FBN1: variants seen among roughly 807,000 people sequenced by gnomAD.
FBN1 encodes fibrillin 1, also known as fibrillin-1.
In FBN1, 29 loss-of-function variants were observed where a neutral mutation model predicts 365.1. That is an observed-to-expected ratio of 0.08 (90% confidence interval 0.06 to 0.11). The LOEUF is 0.11. Among genes scored for constraint, FBN1 ranks in the 10% least tolerant of loss-of-function variants. The probability of loss-of-function intolerance (pLI) is 1.00; values close to 1 mark genes in which losing one functional copy is unlikely to be tolerated. For missense variants in FBN1, 2,476 were observed against 3,703.2 expected (o/e 0.67, Z 8.60); for synonymous variants, 1,210 against 1,270.5 (o/e 0.95, Z 1.01).
rs988204828 is a variant in FBN1 at position 48,445,197 on chromosome 15, C to CATAT, written c.5917+175_5917+178dup. On this transcript the variant is annotated intron_variant, in intron 48 of 65. Transcript: ENST00000316623. ...ACATATATATATGTATATATATATACATATATATATGTGTATATATACTTA... is the reference window on the plus strand; with the variant it reads ...ACATATATATATGTATATATATATACATATATATATATATGTGTATATATACTTA... Among the ~76,000 whole-genome samples, 4 of 133,810 alleles carry CATAT rather than the reference C, an allele frequency of 3.0e-5. No individual in the cohort carries two copies. In the East Asian group the frequency reaches 9.7e-4, roughly 33 times the overall value. 87.8% of individuals were successfully genotyped at this position (133,810 alleles called of 152,430 possible).
intron 55 of FBN1, among the ~76,000 whole-genome samples, chr15:48,431,947 G>A (rs1400394045): frequency 6.6e-6 from 1 of 152,142 alleles, no homozygotes; most frequent in African/African-American, 2.4e-5. Flanking sequence ...AAGCCACCGT[G>A]CCTGGCCAAT....
intron 55 of FBN1, among the ~76,000 whole-genome samples, chr15:48,431,750 G>A (rs1365812854): frequency 1.3e-5 from 2 of 152,054 alleles, no homozygotes; most frequent in Non-Finnish European, 2.9e-5. Flanking sequence ...CACCTCCGGG[G>A]TTCAAGCAAT....
intron 62 of FBN1, 140 bp downstream of exon 62, chr15:48,421,417 CT>C: frequency 2.1e-6 from 2 of 932,046 alleles, no homozygotes; most frequent in Non-Finnish European, 3.4e-6. Flanking sequence ...GATACAGGAC[CT>C]GTGCACACTA....
intron 2 of FBN1, among the ~76,000 whole-genome samples, chr15:48,639,476 C>T (rs969838150): frequency 2.6e-5 from 4 of 152,310 alleles, no homozygotes; most frequent in South Asian, 2.1e-4. Context: ...TGTGCACTCA[C>T]GGTTCCTGAA....
At chr15:48,571,690 C>CAG (rs2044306590) in intron 6 of FBN1, among the ~76,000 whole-genome samples, 1 of 152,104 alleles carries the variant, frequency 6.6e-6, no homozygotes. Flanking sequence ...CTTAGACATG[C>CAG]AGGTGCACAC....
chr15:48,573,704 T>C (rs776267647), intron 6 of FBN1, among the ~76,000 whole-genome samples: 1 of 152,202 alleles, frequency 6.6e-6, no homozygotes, highest in Non-Finnish European at 1.5e-5. Flanking sequence ...ATGTTCCCTT[T>C]AACCAGATTC....
chr15:48,443,612 G>A (rs115235428), intron 49 of FBN1, among the ~76,000 whole-genome samples: 24 of 152,160 alleles, frequency 1.6e-4, no homozygotes, highest in African/African-American at 5.5e-4. Flanking sequence ...TCTAATTGAC[G>A]ATATTAAAAG....
intron 6 of FBN1, among the ~76,000 whole-genome samples, chr15:48,539,966 A>T (rs1251419876): frequency 6.6e-6 from 1 of 152,234 alleles, no homozygotes; most frequent in Non-Finnish European, 1.5e-5. Context: ...CAAGTATTAA[A>T]TACTGAGCTG....
chr15:48,490,960 T>C (rs1439251031), intron 24 of FBN1, among the ~76,000 whole-genome samples: 1 of 152,176 alleles, frequency 6.6e-6, no homozygotes, highest in Non-Finnish European at 1.5e-5. Context: ...CACAATGGGG[T>C]CATTAACAAT....
In FBN1 at chr15:48,541,496, T is replaced by C. The variant is rs2044057352; in HGVS notation, c.539-3688A>G. On this transcript the variant is annotated intron_variant, in intron 6 of 65. Coordinates refer to ENST00000316623, the MANE Select transcript of FBN1 (RefSeq NM_000138.5). ...GATGAAATAAAATTGGATCTAAAAA[T>C]GTCTTGGAAGGTAAATGCTGTATTA... Among the ~76,000 whole-genome samples the C allele has an allele frequency of 1.3e-5, 2 of 152,214 alleles. 1 individual carries two copies. The highest frequency in any genetic ancestry group is 4.1e-4 in the South Asian group (2 of 4,834).
chr15:48,635,507 T>C (rs1890075760), intron 2 of FBN1, among the ~76,000 whole-genome samples: 1 of 152,204 alleles, frequency 6.6e-6, no homozygotes, highest in Non-Finnish European at 1.5e-5. Context: ...CAACCTATTT[T>C]TACTTATTAG....
chr15:48,524,305 G>A (rs1209135979), intron 9 of FBN1, among the ~76,000 whole-genome samples: 1 of 152,184 alleles, frequency 6.6e-6, no homozygotes, highest in Non-Finnish European at 1.5e-5. Flanking sequence ...GAATTTTACG[G>A]TTAGAAGAAA....
intron 6 of FBN1, among the ~76,000 whole-genome samples, chr15:48,567,398 C>T (rs1450763435): frequency 6.6e-6 from 1 of 151,962 alleles, no homozygotes; most frequent in Non-Finnish European, 1.5e-5. Flanking sequence ...CTGTTGTGTA[C>T]CATCCTTCCT....
In FBN1 at chr15:48,474,667, T is replaced by C; in HGVS notation, c.3965-17A>G. 1.2e-6 allele frequency: 2 copies of C among 1,614,070 alleles called. No individual in the cohort carries two copies. The highest frequency in any genetic ancestry group is 8.5e-7 in the Non-Finnish European group (1 of 1,179,992). ...CATTGATGTCTGGAAAAATGAGCAG[T>C]GATTTAGAAAAAGGCTCAGCACAAA... On this transcript the variant is annotated splice_polypyrimidine_tract_variant and intron_variant, in intron 32 of 65. Coordinates refer to ENST00000316623, the MANE Select transcript of FBN1 (RefSeq NM_000138.5).
In FBN1 at chr15:48,644,594, C is replaced by T. The variant is rs571164659; in HGVS notation, c.164+12G>A. On this transcript the variant is annotated intron_variant, in intron 2 of 65. Coordinates refer to ENST00000316623, the MANE Select transcript of FBN1 (RefSeq NM_000138.5). ...GGAGACCCACACCAAAGGAGGGAAC[C>T]GGTTCCTTTACCCTTTAAGCGCGTC... The T allele has an allele frequency of 3.1e-6, 5 of 1,614,062 alleles. No individual in the cohort carries two copies. The highest frequency in any genetic ancestry group is 3.3e-5 in the Admixed American group (2 of 60,034).
At chr15:48,511,310 T>G (rs557019752) in intron 13 of FBN1, among the ~76,000 whole-genome samples, 1 of 152,180 alleles carries the variant, frequency 6.6e-6, no homozygotes, top group Non-Finnish European at 1.5e-5. Flanking sequence ...GTCTGATCTT[T>G]GTGCCAACAA....
intron 43 of FBN1, 117 bp from the exon 44 acceptor site, chr15:48,456,879 T>C: frequency 2.1e-6 from 2 of 953,012 alleles, no homozygotes; most frequent in Admixed American, 1.9e-5. Context: ...TGTGCGTGCA[T>C]GTGTTGGGGT....
At chr15:48,417,448 T>TTCC (rs1555393967) in intron 63 of FBN1, among the ~76,000 whole-genome samples, 3 of 91,552 alleles carry the variant, frequency 3.3e-5, no homozygotes, top group East Asian at 4.3e-4. Context: ...CCCTCCCTCC[T>TTCC]TTCCTTCCTT....
At position 48,513,604 on chromosome 15, in the gene FBN1, G is replaced by A. The variant is rs1060504146; in HGVS notation, c.1533C>T (p.Tyr511=). 1.2e-6 allele frequency: 2 copies of A among 1,613,914 alleles called. No homozygotes were observed. Among genetic ancestry groups the A allele is most frequent in the East Asian group, 2.2e-5 (1 of 44,886 alleles). ...GGECINNQGS[Y]TCQCRAGYQS... is the part of the protein sequence containing the mutation. ...GATATCCAGCTCGGCACTGACAGGT[G>A]TACGAACCCTGGTTGTTAATACACT... Residue 511 remains tyrosine (Y), a synonymous_variant, in exon 13 of 66, where the codon TAC becomes TAT. Coordinates refer to ENST00000316623, the MANE Select transcript of FBN1 (RefSeq NM_000138.5).
Sources: gnomAD v4.1 joint callset for allele counts (sites outside exome capture counted in the v4.1 genomes callset) on GRCh38, gnomAD v4.1.1 for gene constraint, MANE v1.5 for transcripts, NCBI Gene and HGNC (gene_info 2026-07-23, HGNC 2026-07-21) for gene names.